CIP2A: variants seen among roughly 807,000 people sequenced by gnomAD.
CIP2A encodes the protein cellular inhibitor of PP2A, also known as protein CIP2A.
A neutral mutation model predicts 110.9 loss-of-function variants in CIP2A; 103 were observed. The ratio of observed to expected loss-of-function variants is 0.93; its 90% CI spans 0.79 to 1.09. The LOEUF (loss-of-function observed/expected upper bound fraction) is 1.09, where lower values mean the gene tolerates loss of function less well. CIP2A is among the 50% of genes least tolerant of loss of function. The pLI is 0.00. For synonymous variants in CIP2A, 381 were observed against 361.6 expected, an observed-to-expected ratio of 1.05 and a Z score of -0.61; for missense variants, 1,088 against 1,038.4, an observed-to-expected ratio of 1.05 and a Z score of -0.66.
intron 8 of CIP2A, among the ~76,000 whole-genome samples, chr3:108,575,416 A>C (rs868377938): frequency 6.7e-6 from 1 of 148,732 alleles, no homozygotes; most frequent in South Asian, 2.1e-4. Context: ...GTATGTATAC[A>C]TATACATGTA....
chr3:108,579,570 TC>T lies in CIP2A; in HGVS notation c.667del (p.Glu223LysfsTer15). ...SSLTLNEEVG[E>X]KLFHARNIHQ... The stretch of plus-strand genomic sequence containing the variant: ...AATTTGAAAAATTGTATTTACCTTT[TC>T]CCCCACCTCTTCATTTAATGTCAAA... On this transcript the variant is annotated frameshift_variant, in exon 6 of 21. Coordinates refer to ENST00000295746, the MANE Select transcript of CIP2A (RefSeq NM_020890.3). LOFTEE classifies it high-confidence loss of function. The T allele has an allele frequency of 6.3e-7, 1 of 1,583,774 alleles. No homozygotes were observed. The highest frequency in any genetic ancestry group is 1.2e-5 in the South Asian group (1 of 85,550).
At chr3:108,565,785 G>A (rs1938160113) in intron 11 of CIP2A, among the ~76,000 whole-genome samples, 2 of 151,730 alleles carry the variant, frequency 1.3e-5, no homozygotes, top group Non-Finnish European at 3.0e-5. Context: ...ACAACAGACG[G>A]TAACCTTAGG....
chr3:108,566,766 T>C (rs1938202896), intron 10 of CIP2A, 128 bp from the exon 11 acceptor site: 7 of 562,198 alleles, frequency 1.2e-5, no homozygotes, highest in African/African-American at 2.0e-5. Flanking sequence ...ATTAGCTCAA[T>C]GACAAACAAG....
chr3:108,567,450 T>C (rs970719300), intron 10 of CIP2A, among the ~76,000 whole-genome samples: 1 of 151,856 alleles, frequency 6.6e-6, no homozygotes, highest in African/African-American at 2.4e-5. Context: ...GAGATCTGGT[T>C]GAGATACAGT....
intron 9 of CIP2A, among the ~76,000 whole-genome samples, 181 bp from the exon 10 acceptor site, chr3:108,568,495 G>C (rs912931386): frequency 6.6e-6 from 1 of 151,810 alleles, no homozygotes; most frequent in Non-Finnish European, 1.5e-5. Flanking sequence ...AACCAGTTTT[G>C]AGGGCTATGG....
intron 1 of CIP2A, chr3:108,585,810 C>A: frequency 2.2e-6 from 1 of 449,838 alleles, no homozygotes; most frequent in Non-Finnish European, 4.4e-6. Flanking sequence ...AGTAGCCAGG[C>A]AAGGCATTGA....
chr3:108,581,019 T>C (rs1938856074), intron 5 of CIP2A, among the ~76,000 whole-genome samples: 1 of 152,334 alleles, frequency 6.6e-6, no homozygotes. Context: ...ACTTAACTCA[T>C]GAATCTTTCT....
At chr3:108,567,393 A>G (rs1416340721) in intron 10 of CIP2A, among the ~76,000 whole-genome samples, 1 of 151,848 alleles carries the variant, frequency 6.6e-6, no homozygotes, top group African/African-American at 2.4e-5. Context: ...AGTAGAACAT[A>G]TTCTTGTTGC....
intron 8 of CIP2A, among the ~76,000 whole-genome samples, chr3:108,573,716 A>C (rs1474298127): frequency 1.3e-5 from 2 of 152,162 alleles, no homozygotes; most frequent in East Asian, 1.9e-4. Flanking sequence ...AAAGGAATTT[A>C]GAAATTCTAG....
At chr3:108,570,350 C>T (rs914168683) in intron 8 of CIP2A, among the ~76,000 whole-genome samples, 3 of 152,064 alleles carry the variant, frequency 2.0e-5, no homozygotes, top group African/African-American at 7.2e-5. Context: ...TTAAAAGAAT[C>T]CAGTCCATTA....
chr3:108,560,530 T>C, intron 14 of CIP2A, 119 bp downstream of exon 14: 1 of 641,506 alleles, frequency 1.6e-6, no homozygotes, highest in East Asian at 2.9e-5. Flanking sequence ...ATATTGTTAT[T>C]TCTTATATTA....
chr3:108,561,127 T>C (rs953083526), intron 13 of CIP2A, among the ~76,000 whole-genome samples: 4 of 152,160 alleles, frequency 2.6e-5, no homozygotes, highest in African/African-American at 7.2e-5. Flanking sequence ...TACAAAGTTA[T>C]TGGTACTGGT....
At chr3:108,551,816 A>G (rs562793307) in intron 20 of CIP2A, among the ~76,000 whole-genome samples, 1 of 152,138 alleles carries the variant, frequency 6.6e-6, no homozygotes, top group African/African-American at 2.4e-5. Flanking sequence ...CCGGACTCAG[A>G]TTCAGAATAT....
intron 2 of CIP2A, among the ~76,000 whole-genome samples, chr3:108,583,463 C>T (rs1241474846): frequency 6.6e-6 from 1 of 152,020 alleles, no homozygotes; most frequent in Non-Finnish European, 1.5e-5. Flanking sequence ...AACTGAAGGC[C>T]ATTAGGTTAA....
At chr3:108,563,980 C>T (rs1189996626) in intron 12 of CIP2A, among the ~76,000 whole-genome samples, 2 of 151,974 alleles carry the variant, frequency 1.3e-5, no homozygotes, top group African/African-American at 4.8e-5. Flanking sequence ...GATGCTCAAC[C>T]TGTATTATGA....
chr3:108,583,125 C>T, intron 2 of CIP2A, 42 bp from the exon 3 acceptor site: 1 of 1,111,482 alleles, frequency 9.0e-7, no homozygotes, highest in Middle Eastern at 2.0e-4. Flanking sequence ...CATTTTCTTA[C>T]AAGGTTTTGC....
At chr3:108,568,501 T>C (rs1400330945) in intron 9 of CIP2A, among the ~76,000 whole-genome samples, 187 bp from the exon 10 acceptor site, 1 of 152,078 alleles carries the variant, frequency 6.6e-6, no homozygotes, top group Non-Finnish European at 1.5e-5. Context: ...TTTTGAGGGC[T>C]ATGGCTTTTT....
chr3:108,559,005 T>G (rs992399993), intron 16 of CIP2A, among the ~76,000 whole-genome samples: 1 of 151,988 alleles, frequency 6.6e-6, no homozygotes, highest in Non-Finnish European at 1.5e-5. Flanking sequence ...TAGAGATCCT[T>G]GGGGGAGCGG....
chr3:108,562,669 C>T (rs1400038492), intron 13 of CIP2A, among the ~76,000 whole-genome samples: 1 of 151,954 alleles, frequency 6.6e-6, no homozygotes, highest in African/African-American at 2.4e-5. Flanking sequence ...GATAAAAGTT[C>T]AGATTTTTTT....
Sources: allele counts gnomAD v4.1 joint callset (sites outside exome capture counted in the v4.1 genomes callset), GRCh38; gene constraint gnomAD v4.1.1; transcripts MANE v1.5; gene names NCBI Gene and HGNC (gene_info 2026-07-23, HGNC 2026-07-21).